CTTNBP2: variants seen among roughly 807,000 people sequenced by gnomAD.
CTTNBP2 encodes cortactin-binding protein 2.
Under a neutral mutation model 156.9 loss-of-function variants are expected in CTTNBP2, and 108 were observed. The observed-to-expected ratio is 0.69, with a 90% CI of 0.59 to 0.81. The LOEUF (loss-of-function observed/expected upper bound fraction) is 0.81, where lower values mean the gene tolerates loss of function less well. CTTNBP2 is among the 30% of genes least tolerant of loss of function. CTTNBP2 has a pLI of 0.00. For missense variants in CTTNBP2, 1,924 were observed against 2,035.4 expected (o/e 0.95, Z 1.05); for synonymous variants, 767 against 751.8 (o/e 1.02, Z -0.33).
chr7:117,799,076 G>A (rs932900040), intron 3 of CTTNBP2, among the ~76,000 whole-genome samples: 1 of 151,470 alleles, frequency 6.6e-6, no homozygotes, highest in Admixed American at 6.6e-5. Flanking sequence ...TAGCTTATAA[G>A]GCTGTACTGA....
intron 4 of CTTNBP2, among the ~76,000 whole-genome samples, chr7:117,788,574 G>T (rs953915302): frequency 6.6e-6 from 1 of 152,210 alleles, no homozygotes; most frequent in African/African-American, 2.4e-5. Flanking sequence ...AGTAAGCAGG[G>T]TGGAGGCAGC....
chr7:117,811,207 G>A (rs1223574791), intron 2 of CTTNBP2, among the ~76,000 whole-genome samples: 1 of 152,090 alleles, frequency 6.6e-6, no homozygotes, highest in Non-Finnish European at 1.5e-5. Context: ...CAAGAATATT[G>A]AATTTTACAT....
At chr7:117,872,058 A>T (rs1804646750) in intron 1 of CTTNBP2, 1 of 751,424 alleles carries the variant, frequency 1.3e-6, no homozygotes, top group Non-Finnish European at 1.6e-6. Flanking sequence ...TTTTCTATGC[A>T]AAGAATGGAA....
At chr7:117,711,803 C>T (rs773718376) in intron 22 of CTTNBP2, 21 bp from the exon 23 acceptor site, 2 of 1,594,952 alleles carry the variant, frequency 1.3e-6, no homozygotes, top group Non-Finnish European at 8.6e-7. Context: ...CAAGAAACCA[C>T]ACAAGTTTAT....
chr7:117,711,277 C>T lies in CTTNBP2; in HGVS notation c.*260G>A, dbSNP rs1028905232. On this transcript the variant is annotated 3_prime_UTR_variant, in exon 23 of 23. Transcript: ENST00000160373. ...CTGAACATCTTGATTAAAACTATTA[C>T]AATTTTTCTATTATAAAACTACTTG... 1.9e-5 allele frequency: 7 copies of T among 370,870 alleles called. No homozygotes were observed. Among genetic ancestry groups the T allele is most frequent in the Non-Finnish European group, 3.4e-5 (7 of 204,296 alleles). 23.0% of individuals were successfully genotyped at this position (370,870 alleles called of 1,614,324 possible).
intron 14 of CTTNBP2, among the ~76,000 whole-genome samples, chr7:117,741,200 G>A (rs1218354959): frequency 1.3e-5 from 2 of 152,098 alleles, no homozygotes; most frequent in South Asian, 2.1e-4. Flanking sequence ...GAAATAATAG[G>A]TGATGGGGGA....
At chr7:117,718,659 CTG>C (rs1794604638) in intron 21 of CTTNBP2, among the ~76,000 whole-genome samples, 1 of 152,204 alleles carries the variant, frequency 6.6e-6, no homozygotes, top group Admixed American at 6.5e-5. Context: ...TCCATGTTTT[CTG>C]TGAGATTTCA....
Position 117,873,383 on chromosome 7 carries a change from G to T in CTTNBP2, c.33C>A (p.Asp11Glu). 1 of 1,488,920 alleles carries T rather than the reference G, an allele frequency of 6.7e-7. No homozygotes were observed. Among genetic ancestry groups the T allele is most frequent in the East Asian group, 2.8e-5 (1 of 35,234 alleles). 92.2% of individuals were successfully genotyped at this position (1,488,920 alleles called of 1,614,324 possible). Reference protein sequence around the residue: MATDGASCEPDLSRAPEDAAG... With the variant: MATDGASCEPELSRAPEDAAG... Reference sequence around the variant, plus strand: ...CCGCGTCCTCCGGGGCCCGGGACAAGTCGGGCTCGCAGCTCGCGCCGTCCG... The same window carrying T: ...CCGCGTCCTCCGGGGCCCGGGACAATTCGGGCTCGCAGCTCGCGCCGTCCG... Residue 11 changes from aspartate to glutamate, a missense_variant, in exon 1 of 23, where the codon GAC becomes GAA. By Grantham distance (45) the Asp-to-Glu change is conservative. Transcript: ENST00000160373.
intron 14 of CTTNBP2, among the ~76,000 whole-genome samples, chr7:117,740,817 G>C (rs1461134864): frequency 6.6e-6 from 1 of 152,142 alleles, no homozygotes; most frequent in African/African-American, 2.4e-5. Context: ...GTGGCTCATA[G>C]GAGTTCCCCT....
In CTTNBP2 at chr7:117,784,181, C is replaced by T. The variant is rs972146803; in HGVS notation, c.2272+70G>A. The T allele has an allele frequency of 7.5e-6, 9 of 1,192,828 alleles. No individual in the cohort carries two copies. In the South Asian group the frequency reaches 1.5e-4, roughly 20 times the overall value. The allele number at this position is 1,192,828 out of a possible 1,614,324, so 73.9% of individuals were successfully genotyped here. A position where few individuals can be genotyped will look rare whatever the true frequency, so the allele number is the denominator to read the frequency against. ...ACTAAATTGAACTTTCTGCTCATTACAATTGATACATGGGCTTTTGACTTT... is the reference window on the plus strand; with the variant it reads ...ACTAAATTGAACTTTCTGCTCATTATAATTGATACATGGGCTTTTGACTTT... On this transcript the variant is annotated intron_variant, in intron 5 of 22. Transcript: ENST00000160373.
At chr7:117,812,295 CTA>C (rs1306512831) in intron 2 of CTTNBP2, among the ~76,000 whole-genome samples, 1 of 151,996 alleles carries the variant, frequency 6.6e-6, no homozygotes, top group Non-Finnish European at 1.5e-5. Flanking sequence ...GAAAAAAAAT[CTA>C]TGTCACTGCC....
chr7:117,722,767 G>A (rs1454875075), intron 19 of CTTNBP2, among the ~76,000 whole-genome samples: 1 of 152,202 alleles, frequency 6.6e-6, no homozygotes, highest in Non-Finnish European at 1.5e-5. Context: ...CTCAATGGGT[G>A]TCCAGTTATC....
At chr7:117,811,131 G>T in intron 2 of CTTNBP2, 142 bp from the exon 3 acceptor site, 1 of 647,430 alleles carries the variant, frequency 1.5e-6, no homozygotes, top group Non-Finnish European at 2.6e-6. Flanking sequence ...TGGTGAGTGA[G>T]AGGCAAATGT....
In CTTNBP2 at chr7:117,873,364, C is replaced by G; in HGVS notation, c.52G>C (p.Asp18His). The change falls in exon 1 of 23, where the codon GAC becomes CAC. Residue 18 changes from aspartate to histidine, a missense_variant. Coordinates refer to ENST00000160373, the MANE Select transcript of CTTNBP2 (RefSeq NM_033427.3). ...CEPDLSRAPE[D>H]AAGAAAEAAK... ...GCCTCCGCCGCGGCCCCCGCCGCGT[C>G]CTCCGGGGCCCGGGACAAGTCGGGC... The G allele has an allele frequency of 6.8e-7, 1 of 1,470,698 alleles. No homozygotes were observed. Among genetic ancestry groups the G allele is most frequent in the Non-Finnish European group, 9.0e-7 (1 of 1,116,704 alleles). The allele number at this position is 1,470,698 out of a possible 1,614,324, so 91.1% of individuals were successfully genotyped here. A position where few individuals can be genotyped will look rare whatever the true frequency, so the allele number is the denominator to read the frequency against.
At chr7:117,760,112 A>G (rs1797114495) in intron 10 of CTTNBP2, among the ~76,000 whole-genome samples, 1 of 152,226 alleles carries the variant, frequency 6.6e-6, no homozygotes, top group South Asian at 2.1e-4. Flanking sequence ...AGCTGTGTTC[A>G]GTACTTGCGC....
intron 14 of CTTNBP2, among the ~76,000 whole-genome samples, chr7:117,744,491 G>A (rs1796204698): frequency 2.6e-5 from 4 of 152,248 alleles, no homozygotes; most frequent in African/African-American, 4.8e-5. Context: ...AGTTCCATCC[G>A]TGTTGTTGCA....
chr7:117,816,085 G>A (rs1044141624), intron 2 of CTTNBP2, among the ~76,000 whole-genome samples: 2 of 152,148 alleles, frequency 1.3e-5, no homozygotes, highest in African/African-American at 4.8e-5. Flanking sequence ...CCTTCCCAGG[G>A]GGGCAATCTT....
In CTTNBP2 at chr7:117,757,528, TAAAAAAAA is replaced by T. The variant is rs56687697; in HGVS notation, c.3268+339_3268+346del. ...TCGTATTAAGCATTATTAAGCACAG[TAAAAAAAA>T]AAAAAAAAAAAAAAAGACATTTCTC... is the stretch of plus-strand genomic sequence containing the variant. On this transcript the variant is annotated intron_variant, in intron 11 of 22. Transcript: ENST00000160373. 8.7e-5 allele frequency among the ~76,000 whole-genome samples: 8 copies of T among 91,436 alleles called. No individual in the cohort carries two copies. In the Admixed American group the frequency reaches 8.8e-4, roughly 10 times the overall value. The allele number at this position is 91,436 out of a possible 152,430, so 60.0% of individuals were successfully genotyped here. A position where few individuals can be genotyped will look rare whatever the true frequency, so the allele number is the denominator to read the frequency against.
intron 1 of CTTNBP2, 119 bp downstream of exon 1, chr7:117,873,215 CG>C (rs1804749925): frequency 1.4e-6 from 1 of 738,084 alleles, no homozygotes; most frequent in Non-Finnish European, 1.9e-6. Context: ...GAAGGGGCAC[CG>C]GAGAGTCCCG....
Sources: gnomAD v4.1 joint callset for allele counts (sites outside exome capture counted in the v4.1 genomes callset) on GRCh38, gnomAD v4.1.1 for gene constraint, MANE v1.5 for transcripts, NCBI Gene and HGNC (gene_info 2026-07-23, HGNC 2026-07-21) for gene names.